The following GPR137C variants were observed in gnomAD, a reference collection of about 807,000 sequenced individuals.
GPR137C encodes G protein-coupled receptor 137C.
Under a neutral mutation model 43.4 loss-of-function variants are expected in GPR137C, and 27 were observed. The ratio of observed to expected loss-of-function variants is 0.62; its 90% confidence interval spans 0.46 to 0.86. The LOEUF (loss-of-function observed/expected upper bound fraction) is 0.86, where lower values mean the gene tolerates loss of function less well. Ranked by LOEUF, GPR137C falls within the 40% of genes least tolerant of loss-of-function variation. The pLI is 0.00. For synonymous variants in GPR137C, 285 were observed against 226.9 expected (o/e 1.26, Z -2.30); for missense variants, 522 against 534.6 (o/e 0.98, Z 0.23).
At chr14:52,625,158 A>C (rs1308115014) in intron 3 of GPR137C, among the ~76,000 whole-genome samples, 1 of 152,192 alleles carries the variant, frequency 6.6e-6, no homozygotes, top group Non-Finnish European at 1.5e-5. Context: ...TTTAAAGAAG[A>C]AACAACACCA....
chr14:52,560,728 TACCTC>T (rs1342634987), intron 1 of GPR137C, among the ~76,000 whole-genome samples: 3 of 152,206 alleles, frequency 2.0e-5, no homozygotes, highest in African/African-American at 7.2e-5. Context: ...CATTGATTGT[TACCTC>T]ACACCATAGA....
intron 1 of GPR137C, among the ~76,000 whole-genome samples, chr14:52,576,062 C>T (rs2038546362): frequency 6.6e-6 from 1 of 152,214 alleles, no homozygotes; most frequent in Non-Finnish European, 1.5e-5. Flanking sequence ...AGAAGTCAAA[C>T]TGATACTATG....
intron 1 of GPR137C, among the ~76,000 whole-genome samples, chr14:52,561,627 A>C (rs528128654): frequency 6.6e-6 from 1 of 152,240 alleles, no homozygotes; most frequent in Non-Finnish European, 1.5e-5. Flanking sequence ...AATACAAAGG[A>C]ATACCACTCA....
At chr14:52,610,016 G>A (rs1594801743) in intron 3 of GPR137C, among the ~76,000 whole-genome samples, 1 of 152,232 alleles carries the variant, frequency 6.6e-6, no homozygotes, top group East Asian at 1.9e-4. Flanking sequence ...ACTTTGTATT[G>A]TATATATTGT....
At chr14:52,579,560 G>C (rs1270548241) in intron 1 of GPR137C, among the ~76,000 whole-genome samples, 4 of 152,140 alleles carry the variant, frequency 2.6e-5, no homozygotes, top group Middle Eastern at 3.2e-3. Context: ...ATTGTGTTGG[G>C]TGTCCCTAAG....
chr14:52,577,743 G>T lies in GPR137C; in HGVS notation c.445-20529G>T, dbSNP rs1247517180. Among the ~76,000 whole-genome samples, 5 of 148,438 alleles carry T rather than the reference G, an allele frequency of 3.4e-5. No individual in the cohort carries two copies. In the East Asian group the frequency reaches 9.9e-4, roughly 30 times the overall value. On this transcript the variant is annotated intron_variant, in intron 1 of 6. Coordinates refer to ENST00000321662, the MANE Select transcript of GPR137C (RefSeq NM_001099652.2). ...TTTGGGAGGCTGAGGCAGGCGGATC[G>T]CTTGAACCCAGGAGTTTGAGACCAG...
At position 52,633,887 on chromosome 14, in the gene GPR137C, T is replaced by C; in HGVS notation, c.1053T>C (p.Asn351=). 1 of 1,612,968 alleles carries C rather than the reference T, an allele frequency of 6.2e-7. No individual in the cohort carries two copies. Among genetic ancestry groups the C allele is most frequent in the South Asian group, 1.1e-5 (1 of 91,040 alleles). The change falls in exon 6 of 7, where the codon AAT becomes AAC. Residue 351 remains asparagine, a synonymous_variant. Transcript: ENST00000321662. ...SYSSRAYFFD[N]PRRYDSDDDL... ...GTTCCAGAGCTTACTTTTTCGACAA[T>C]CCAAGACGATATGATAGTGATGATG...
At chr14:52,618,086 AAC>A (rs992244072) in intron 3 of GPR137C, among the ~76,000 whole-genome samples, 1 of 152,144 alleles carries the variant, frequency 6.6e-6, no homozygotes, top group Non-Finnish European at 1.5e-5. Context: ...TCTCAAAAGG[AAC>A]AGTCACTGAA....
chr14:52,628,451 A>G (rs1028391155), intron 3 of GPR137C, among the ~76,000 whole-genome samples: 1 of 152,216 alleles, frequency 6.6e-6, no homozygotes, highest in Non-Finnish European at 1.5e-5. Flanking sequence ...GGGCAATAAA[A>G]AGTAACCATG....
intron 1 of GPR137C, among the ~76,000 whole-genome samples, chr14:52,578,804 C>T (rs2038601948): frequency 6.6e-6 from 1 of 152,066 alleles, no homozygotes; most frequent in Non-Finnish European, 1.5e-5. Context: ...ATTAGCCAGG[C>T]GTGGTGGCAC....
intron 1 of GPR137C, among the ~76,000 whole-genome samples, chr14:52,595,333 T>C (rs1294565780): frequency 6.6e-6 from 1 of 152,176 alleles, no homozygotes; most frequent in East Asian, 1.9e-4. Context: ...TTTGTGGTGT[T>C]CTCTGAATTT....
chr14:52,613,732 T>C, intron 3 of GPR137C: 1 of 254,042 alleles, frequency 3.9e-6, no homozygotes, highest in Non-Finnish European at 8.0e-6. Flanking sequence ...AGTACCACAT[T>C]TCTTTACCCA....
At chr14:52,583,146 G>T (rs981552927) in intron 1 of GPR137C, among the ~76,000 whole-genome samples, 1 of 151,870 alleles carries the variant, frequency 6.6e-6, no homozygotes, top group Non-Finnish European at 1.5e-5. Flanking sequence ...ATTGACATCA[G>T]TAAGTCATTT....
At chr14:52,611,200 T>C (rs1309060636) in intron 3 of GPR137C, among the ~76,000 whole-genome samples, 2 of 152,116 alleles carry the variant, frequency 1.3e-5, no homozygotes, top group Admixed American at 6.5e-5. Context: ...GTTATGCATT[T>C]ATAATTCATG....
Position 52,553,072 on chromosome 14 carries a change from CCTT to C in GPR137C, c.-73_-71del, listed in dbSNP as rs1047118692. ...GGTGGGTGGGGGGTAAGGGGGCAGT[CCTT>C]CTCCCCTTCGACGGCGGCTCCGAGT... On this transcript the variant is annotated 5_prime_UTR_variant, in exon 1 of 7. Transcript: ENST00000321662. The C allele has an allele frequency of 5.9e-5, 46 of 773,842 alleles. No individual in the cohort carries two copies. In the African/African-American group the frequency reaches 7.8e-4, roughly 13 times the overall value. The allele number at this position is 773,842 out of a possible 1,614,324, so 47.9% of individuals were successfully genotyped here.
chr14:52,611,413 A>G (rs1335285267), intron 3 of GPR137C: 1 of 169,350 alleles, frequency 5.9e-6, no homozygotes, highest in East Asian at 1.9e-4. Context: ...ATTCTTGTTA[A>G]TTACTTTATA....
intron 1 of GPR137C, among the ~76,000 whole-genome samples, chr14:52,583,338 A>G (rs897985115): frequency 1.3e-5 from 2 of 152,212 alleles, no homozygotes. Context: ...CTTGGAATCT[A>G]TTAATAGCAG....
intron 6 of GPR137C, among the ~76,000 whole-genome samples, chr14:52,634,167 A>G (rs1451744259): frequency 2.6e-5 from 4 of 152,152 alleles, no homozygotes. Flanking sequence ...CCTTTTGGCT[A>G]AAATGGTACC....
At chr14:52,571,149 G>T (rs2038461855) in intron 1 of GPR137C, among the ~76,000 whole-genome samples, 2 of 152,196 alleles carry the variant, frequency 1.3e-5, no homozygotes, top group South Asian at 4.1e-4. Flanking sequence ...TCAGACCGCA[G>T]TGCAATCAAA....
Sources: allele counts gnomAD v4.1 joint callset (sites outside exome capture counted in the v4.1 genomes callset), GRCh38; gene constraint gnomAD v4.1.1; transcripts MANE v1.5; gene names NCBI Gene and HGNC (gene_info 2026-07-23, HGNC 2026-07-21).